The following AK5 variants were observed in gnomAD, a reference collection of about 807,000 sequenced individuals.
AK5 encodes adenylate kinase isoenzyme 5.
A neutral mutation model predicts 69.5 loss-of-function variants in AK5; 27 were observed. The ratio of observed to expected loss-of-function variants is 0.39; its 90% CI spans 0.29 to 0.54. The LOEUF is 0.54. Among genes scored for constraint, AK5 ranks in the 20% least tolerant of loss-of-function variants. The pLI, the probability that AK5 is intolerant of heterozygous loss-of-function variation, is 0.71. For missense variants in AK5, 531 were observed against 700.4 expected, an observed-to-expected ratio of 0.76 and a Z score of 2.73; for synonymous variants, 260 against 244.4, an observed-to-expected ratio of 1.06 and a Z score of -0.60.
chr1:77,354,806 A>G (rs1485611162), intron 6 of AK5, among the ~76,000 whole-genome samples: 3 of 152,222 alleles, frequency 2.0e-5, no homozygotes, highest in African/African-American at 4.8e-5. Context: ...GTGTTGCTTC[A>G]AAGAATTTCC....
chr1:77,499,711 A>T (rs149282590), intron 10 of AK5, among the ~76,000 whole-genome samples: 2 of 152,194 alleles, frequency 1.3e-5, no homozygotes, highest in East Asian at 3.9e-4. Flanking sequence ...GAGAATGTTC[A>T]GCAGTGAGAA....
intron 8 of AK5, among the ~76,000 whole-genome samples, chr1:77,439,353 A>G (rs1394652582): frequency 1.3e-5 from 2 of 152,190 alleles, no homozygotes; most frequent in African/African-American, 2.4e-5. Context: ...ACAATGTGTA[A>G]TGATCAGGTA....
chr1:77,516,575 A>G (rs1657656125), intron 10 of AK5, among the ~76,000 whole-genome samples: 1 of 152,122 alleles, frequency 6.6e-6, no homozygotes, highest in Non-Finnish European at 1.5e-5. Context: ...GGAGAAAACA[A>G]AGAGAAGAGG....
intron 2 of AK5, among the ~76,000 whole-genome samples, chr1:77,288,451 C>T (rs1658487344): frequency 6.6e-6 from 1 of 152,136 alleles, no homozygotes; most frequent in Admixed American, 6.5e-5. Context: ...ACAATTCTAT[C>T]TGCAATGAAT....
rs938444276 is a variant in AK5 at position 77,559,512 on chromosome 1, A to AAATT, written c.*844_*847dup. 4 of 151,310 alleles carry AAATT rather than the reference A, an allele frequency of 2.6e-5. No individual in the cohort carries two copies. The highest frequency in any genetic ancestry group is 7.3e-5 in the African/African-American group (3 of 41,212). 9.4% of individuals were successfully genotyped at this position (151,310 alleles called of 1,614,324 possible). ...CTATTTCATTCATTGGGCACATATC[A>AAATT]AATTATAATTTTGATTTTAAATGGT... On this transcript the variant is annotated 3_prime_UTR_variant, in exon 14 of 14. Transcript: ENST00000354567.
At chr1:77,423,670 T>C (rs144604111) in intron 8 of AK5, among the ~76,000 whole-genome samples, 20 of 151,906 alleles carry the variant, frequency 1.3e-4, no homozygotes, top group Middle Eastern at 3.4e-3. Flanking sequence ...ACAGTGATAA[T>C]AGCTGGAGGT....
At chr1:77,427,926 C>T (rs982517656) in intron 8 of AK5, among the ~76,000 whole-genome samples, 6 of 152,158 alleles carry the variant, frequency 3.9e-5, no homozygotes, top group Non-Finnish European at 8.8e-5. Context: ...TGTCCTTGTT[C>T]ACAGATGAAC....
At chr1:77,541,591 G>A (rs114526921) in intron 13 of AK5, among the ~76,000 whole-genome samples, 5,256 of 152,198 alleles carry the variant, frequency 0.035, 172 homozygotes, top group African/African-American at 0.084. Context: ...GCCAACTCCC[G>A]CTGGCCTAAC....
At chr1:77,473,505 A>C (rs75114803) in intron 8 of AK5, among the ~76,000 whole-genome samples, 1,829 of 152,246 alleles carry the variant, frequency 0.012, 35 homozygotes, top group East Asian at 0.078. Context: ...CCAAATCTAC[A>C]CTTCCAGGAT....
chr1:77,410,591 TTG>T (rs1002996810), intron 6 of AK5, among the ~76,000 whole-genome samples: 64 of 11,898 alleles, frequency 5.4e-3, no homozygotes, highest in African/African-American at 0.01. Flanking sequence ...CTTTGTGTTT[TTG>T]TTTTTGTTTT....
At chr1:77,472,580 A>C (rs1654582206) in intron 8 of AK5, among the ~76,000 whole-genome samples, 2 of 151,980 alleles carry the variant, frequency 1.3e-5, no homozygotes, top group South Asian at 4.2e-4. Flanking sequence ...TACCTGCAAG[A>C]AAAGAAGAGG....
chr1:77,528,218 T>C (rs1557655705), intron 12 of AK5, among the ~76,000 whole-genome samples: 1 of 152,142 alleles, frequency 6.6e-6, no homozygotes, highest in Non-Finnish European at 1.5e-5. Context: ...CAAAGACAAA[T>C]GCAGACATCT....
Position 77,340,348 on chromosome 1 carries a change from GCCTCTCTAT to G in AK5, c.700-28_700-20del, listed in dbSNP as rs767374524. On this transcript the variant is annotated intron_variant, in intron 5 of 13. Transcript: ENST00000354567. ...ACATGCATTAGTTGGTATGTTGAATGCCTCTCTATTTGTTGATGCTCTCCACAGATCTGT... is the reference window on the plus strand; with the variant it reads ...ACATGCATTAGTTGGTATGTTGAATGTTGTTGATGCTCTCCACAGATCTGT... 177 of 1,593,716 alleles carry G rather than the reference GCCTCTCTAT, an allele frequency of 1.1e-4. No individual in the cohort carries two copies. Among genetic ancestry groups the G allele is most frequent in the Non-Finnish European group, 1.5e-4 (171 of 1,165,604 alleles).
rs1440554531 is a variant in AK5 at position 77,558,640 on chromosome 1, A to G, written c.1659A>G (p.Gln553=). ...AEGTPEDVFL[Q]LCTAIDSIF ...GAACACCAGAGGACGTTTTTCTTCA[A>G]CTCTGCACAGCTATTGACTCTATTT... is the stretch of plus-strand genomic sequence containing the variant. Residue 553 remains glutamine (Q), a synonymous_variant, in exon 14 of 14, where the codon CAA becomes CAG. Transcript: ENST00000354567. 2 of 1,588,494 alleles carry G rather than the reference A, an allele frequency of 1.3e-6. No homozygotes were observed. The highest frequency in any genetic ancestry group is 1.8e-5 in the Admixed American group (1 of 56,728).
chr1:77,522,182 A>ACT (rs931938898), intron 12 of AK5, among the ~76,000 whole-genome samples: 34 of 148,212 alleles, frequency 2.3e-4, no homozygotes, highest in South Asian at 1.7e-3. Flanking sequence ...CAATTGTCTG[A>ACT]CTCTCTCTCT....
intron 12 of AK5, among the ~76,000 whole-genome samples, chr1:77,528,608 C>A (rs981963969): frequency 2.0e-5 from 3 of 152,240 alleles, no homozygotes; most frequent in Admixed American, 1.3e-4. Flanking sequence ...ATTCCCCAAG[C>A]TGGTTTTATC....
intron 6 of AK5, among the ~76,000 whole-genome samples, chr1:77,355,417 G>C (rs1479692012): frequency 6.6e-6 from 1 of 152,202 alleles, no homozygotes; most frequent in African/African-American, 2.4e-5. Flanking sequence ...AAAATTGTAA[G>C]AGAAGAGACA....
chr1:77,467,745 GT>G, intron 8 of AK5, among the ~76,000 whole-genome samples: 1 of 152,178 alleles, frequency 6.6e-6, no homozygotes, highest in East Asian at 1.9e-4. Flanking sequence ...GTCCTTTAAA[GT>G]TTTAGGTCTT....
In AK5 at chr1:77,283,649, C is replaced by G. The variant is rs548400803; in HGVS notation, c.60+1276C>G. 157 of 981,768 alleles carry G rather than the reference C, an allele frequency of 1.6e-4. 1 individual carries two copies. The African/African-American group carries it at 2.6e-3, about 16-fold the overall frequency. The allele number at this position is 981,768 out of a possible 1,614,324, so 60.8% of individuals were successfully genotyped here. A position where few individuals can be genotyped will look rare whatever the true frequency, so the allele number is the denominator to read the frequency against. ...CTGAACTCAAGCGTGGTATGTGAAG[C>G]CCAAATCTAGCAAATGTGTTACTCC... On this transcript the variant is annotated intron_variant, in intron 1 of 13. Coordinates refer to ENST00000354567, the MANE Select transcript of AK5 (RefSeq NM_174858.3).
Sources: allele counts gnomAD v4.1 joint callset (sites outside exome capture counted in the v4.1 genomes callset), GRCh38; gene constraint gnomAD v4.1.1; transcripts MANE v1.5; gene names NCBI Gene and HGNC (gene_info 2026-07-23, HGNC 2026-07-21).